Variants in EYS observed in about 807,000 individuals in gnomAD.
EYS encodes the protein EGF-like photoreceptor maintenance factor.
EYS carries 250 observed loss-of-function variants against 282.1 expected under a neutral mutation model. The observed-to-expected ratio is 0.89, with a 90% CI of 0.80 to 0.98. EYS has a LOEUF of 0.98. Among genes scored for constraint, EYS ranks in the 50% least tolerant of loss-of-function variants. EYS has a pLI of 0.00. For synonymous variants in EYS, 1,355 were observed against 1,282.9 expected (o/e 1.06, Z -1.20); for missense variants, 4,016 against 3,709.0 (o/e 1.08, Z -2.15).
intron 31 of EYS, among the ~76,000 whole-genome samples, chr6:64,180,332 A>G (rs1764753394): frequency 6.6e-6 from 1 of 152,178 alleles, no homozygotes; most frequent in Admixed American, 6.6e-5. Flanking sequence ...TTAAACACCT[A>G]AAGCCAAAGT....
chr6:64,432,563 G>C (rs1428739029), intron 28 of EYS, among the ~76,000 whole-genome samples: 1 of 150,684 alleles, frequency 6.6e-6, no homozygotes, highest in African/African-American at 2.4e-5. Flanking sequence ...ATATTATAGT[G>C]TAATATATGC....
chr6:65,203,370 G>T (rs1765950511), intron 12 of EYS, among the ~76,000 whole-genome samples: 1 of 152,068 alleles, frequency 6.6e-6, no homozygotes, highest in Non-Finnish European at 1.5e-5. Context: ...CACCATCTCT[G>T]TAGGAGACAG....
intron 33 of EYS, among the ~76,000 whole-genome samples, chr6:64,026,484 A>G (rs569817113): frequency 3.3e-5 from 5 of 152,290 alleles, no homozygotes; most frequent in East Asian, 1.9e-4. Context: ...CTTGGCCCCA[A>G]TATTCTCTCT....
chr6:65,541,366 C>T (rs1768161367), intron 2 of EYS, among the ~76,000 whole-genome samples: 1 of 151,372 alleles, frequency 6.6e-6, no homozygotes, highest in Non-Finnish European at 1.5e-5. Flanking sequence ...ATTTTACGAA[C>T]ATTTGTTCAT....
chr6:64,750,745 T>C lies in EYS; in HGVS notation c.3443+62633A>G, dbSNP rs922650607. Among the ~76,000 whole-genome samples, 15 of 152,278 alleles carry C rather than the reference T, an allele frequency of 9.9e-5. 1 individual carries two copies. The highest frequency in any genetic ancestry group is 7.8e-4 in the Admixed American group (12 of 15,292). ...AAATAGCAAGATAATGCATAGAGAC[T>C]AACACTGTGAGAGTATATAGAAGGT... On this transcript the variant is annotated intron_variant, in intron 22 of 42. Transcript: ENST00000503581.
chr6:64,749,726 G>T (rs79115422), intron 22 of EYS, among the ~76,000 whole-genome samples: 3,173 of 152,122 alleles, frequency 0.021, 108 homozygotes, highest in African/African-American at 0.069. Context: ...TGAACAACTT[G>T]GACTAGAAAC....
intron 29 of EYS, among the ~76,000 whole-genome samples, chr6:64,387,604 T>A: frequency 6.6e-6 from 1 of 152,144 alleles, no homozygotes; most frequent in East Asian, 1.9e-4. Flanking sequence ...TGTCCTTGCC[T>A]TGGTGTATAA....
intron 12 of EYS, among the ~76,000 whole-genome samples, chr6:65,110,569 A>T (rs767834120): frequency 6.6e-6 from 1 of 152,140 alleles, no homozygotes; most frequent in Non-Finnish European, 1.5e-5. Context: ...AGACAGAAAT[A>T]AGAGTAAATA....
chr6:64,717,276 C>T (rs1216236563), intron 22 of EYS, among the ~76,000 whole-genome samples: 3 of 152,152 alleles, frequency 2.0e-5, no homozygotes, highest in Admixed American at 1.3e-4. Flanking sequence ...AGTCTGCAAG[C>T]AATTGACGTA....
At chr6:65,467,876 A>C (rs1765065211) in intron 5 of EYS, among the ~76,000 whole-genome samples, 1 of 152,172 alleles carries the variant, frequency 6.6e-6, no homozygotes, top group Non-Finnish European at 1.5e-5. Flanking sequence ...TGATTAAAAA[A>C]AGCCATAGAC....
At chr6:65,664,493 G>A (rs1768133736) in intron 1 of EYS, among the ~76,000 whole-genome samples, 1 of 152,142 alleles carries the variant, frequency 6.6e-6, no homozygotes, top group Non-Finnish European at 1.5e-5. Context: ...AAGTTGAAGA[G>A]AGGAGTTACA....
chr6:64,488,405 G>T, intron 26 of EYS, among the ~76,000 whole-genome samples: 1 of 151,022 alleles, frequency 6.6e-6, no homozygotes, highest in East Asian at 1.9e-4. Flanking sequence ...ATCAAAAAGA[G>T]ATGTAATTGT....
chr6:64,540,126 G>A (rs1441511435), intron 26 of EYS, among the ~76,000 whole-genome samples: 1 of 152,124 alleles, frequency 6.6e-6, no homozygotes, highest in African/African-American at 2.4e-5. Context: ...ATCTTTTCCA[G>A]ATAAAAAAGC....
chr6:65,565,561 C>G (rs769351058), intron 2 of EYS, among the ~76,000 whole-genome samples: 27 of 151,892 alleles, frequency 1.8e-4, no homozygotes, highest in Non-Finnish European at 2.5e-4. Context: ...GGATCTAGAA[C>G]CAGAAATACC....
At chr6:64,002,799 A>G (rs1768159322) in intron 33 of EYS, among the ~76,000 whole-genome samples, 1 of 152,066 alleles carries the variant, frequency 6.6e-6, no homozygotes, top group Non-Finnish European at 1.5e-5. Flanking sequence ...TTCCCTCCCA[A>G]AGAGCTGGGA....
At chr6:64,828,354 G>T (rs1765121329) in intron 19 of EYS, among the ~76,000 whole-genome samples, 1 of 151,872 alleles carries the variant, frequency 6.6e-6, no homozygotes, top group Non-Finnish European at 1.5e-5. Flanking sequence ...AAGAGATAAC[G>T]GACATGGATT....
chr6:64,845,276 G>A (rs1249232031), intron 19 of EYS, among the ~76,000 whole-genome samples: 2 of 151,834 alleles, frequency 1.3e-5, no homozygotes, highest in Non-Finnish European at 2.9e-5. Context: ...GGGTGACAGA[G>A]AAAGTGCTTA....
At chr6:65,615,106 C>A (rs1766137881) in intron 2 of EYS, among the ~76,000 whole-genome samples, 1 of 152,112 alleles carries the variant, frequency 6.6e-6, no homozygotes, top group African/African-American at 2.4e-5. Flanking sequence ...AAAAATGTTG[C>A]TTAGTAACTT....
chr6:64,830,492 T>C (rs2150027664), intron 19 of EYS, among the ~76,000 whole-genome samples: 1 of 152,070 alleles, frequency 6.6e-6, no homozygotes, highest in Admixed American at 6.6e-5. Context: ...TACTAGGAGA[T>C]TAACTGTCAG....
Sources: gnomAD v4.1 joint callset for allele counts (sites outside exome capture counted in the v4.1 genomes callset) on GRCh38, gnomAD v4.1.1 for gene constraint, MANE v1.5 for transcripts, NCBI Gene and HGNC (gene_info 2026-07-23, HGNC 2026-07-21) for gene names.